The following DAG1 variants were observed in gnomAD, a reference collection of about 807,000 sequenced individuals.
DAG1 encodes the protein dystroglycan 1.
A neutral mutation model predicts 46.1 loss-of-function variants in DAG1; 8 were observed. That is an observed-to-expected ratio of 0.17 (90% confidence interval 0.10 to 0.31). The LOEUF is 0.31. Ranked by LOEUF, DAG1 falls within the 10% of genes least tolerant of loss-of-function variation. The pLI is 1.00. For missense variants in DAG1, 1,003 were observed against 1,189.9 expected (o/e 0.84, Z 2.31); for synonymous variants, 495 against 481.8 (o/e 1.03, Z -0.36).
intron 1 of DAG1, among the ~76,000 whole-genome samples, chr3:49,495,094 C>G (rs1175783114): frequency 6.6e-6 from 1 of 152,136 alleles, no homozygotes; most frequent in Non-Finnish European, 1.5e-5. Flanking sequence ...CCTTTTCTCT[C>G]AAGGGAACCA....
In DAG1 at chr3:49,531,183, C is replaced by T. The variant is rs754413131; in HGVS notation, c.672C>T (p.Asn224=). ...GCTTCTCAGAAGTAGAGCTTCACAACATGAAATTAGTGCCGGTGGTGAATA... is the reference window on the plus strand; with the variant it reads ...GCTTCTCAGAAGTAGAGCTTCACAATATGAAATTAGTGCCGGTGGTGAATA... The part of the protein sequence containing the change: ...MRSFSEVELH[N]MKLVPVVNNR... Residue 224 remains asparagine, a synonymous_variant, in exon 3 of 3, where the codon AAC becomes AAT. Coordinates refer to ENST00000308775, the MANE Select transcript of DAG1 (RefSeq NM_004393.6). This position sits in a 1 kb window ranked among gnomAD's most constrained non-coding sequence, Gnocchi z 7.0. 2 of 1,614,202 alleles carry T rather than the reference C, an allele frequency of 1.2e-6. No individual in the cohort carries two copies. Among genetic ancestry groups the T allele is most frequent in the Non-Finnish European group, 1.7e-6 (2 of 1,180,034 alleles).
At position 49,535,170 on chromosome 3, in the gene DAG1, G is replaced by T. The variant is rs1213205740; in HGVS notation, c.*1971G>T. On this transcript the variant is annotated 3_prime_UTR_variant, in exon 3 of 3. Coordinates refer to ENST00000308775, the MANE Select transcript of DAG1 (RefSeq NM_004393.6). ...ATGCCTCCAAGTCAGAGTTTCCCTG[G>T]TGCCCCAGAGACAGGAGCACAAGTG... is the stretch of plus-strand genomic sequence containing the variant. 2 of 152,244 alleles carry T rather than the reference G, an allele frequency of 1.3e-5. No individual in the cohort carries two copies. The highest frequency in any genetic ancestry group is 2.9e-5 in the Non-Finnish European group (2 of 68,044). 9.4% of individuals were successfully genotyped at this position (152,244 alleles called of 1,614,324 possible). A position where few individuals can be genotyped will look rare whatever the true frequency, so the allele number is the denominator to read the frequency against.
At chr3:49,484,485 T>TA (rs1228430151) in intron 1 of DAG1, among the ~76,000 whole-genome samples, 3 of 152,146 alleles carry the variant, frequency 2.0e-5, no homozygotes, top group Non-Finnish European at 4.4e-5. Flanking sequence ...GTACCTCTGT[T>TA]ATTTTGGAGA....
At position 49,519,852 on chromosome 3, in the gene DAG1, AGCT is replaced by A. The variant is rs2050984002; in HGVS notation, c.285+9036_285+9038del. Among the ~76,000 whole-genome samples, 4 of 152,228 alleles carry A rather than the reference AGCT, an allele frequency of 2.6e-5. No homozygotes were observed. In the South Asian group the frequency reaches 8.3e-4, roughly 32 times the overall value. ...TTTATTAGTGGCTCTAACTATGTTAAGCTGCCCTTTACTTTTTTGGGGAAAAAG... is the reference window on the plus strand; with the variant it reads ...TTTATTAGTGGCTCTAACTATGTTAAGCCCTTTACTTTTTTGGGGAAAAAG... On this transcript the variant is annotated intron_variant, in intron 2 of 2. Coordinates refer to ENST00000308775, the MANE Select transcript of DAG1 (RefSeq NM_004393.6).
At chr3:49,481,387 ACT>A (rs1368931289) in intron 1 of DAG1, among the ~76,000 whole-genome samples, 1 of 109,790 alleles carries the variant, frequency 9.1e-6, no homozygotes, top group Admixed American at 1.1e-4. Flanking sequence ...ACAGAGTGAG[ACT>A]CTGCCTCAAA....
intron 1 of DAG1, chr3:49,492,950 ATG>A (rs2050225114): frequency 6.7e-6 from 1 of 150,038 alleles, no homozygotes; most frequent in South Asian, 2.1e-4. Context: ...TTCATTTCTC[ATG>A]TATCTTCAGT....
At chr3:49,471,360 G>A (rs748490944) in intron 1 of DAG1, among the ~76,000 whole-genome samples, 1 of 152,314 alleles carries the variant, frequency 6.6e-6, no homozygotes, top group Admixed American at 6.5e-5. Context: ...GCTTTCAGGT[G>A]TTTTGCAAAG....
rs190751043 is a variant in DAG1, at chr3:49,513,164, T to C, written c.285+2345T>C. Among the ~76,000 whole-genome samples, 287 of 152,196 alleles carry C rather than the reference T, an allele frequency of 1.9e-3. 3 individuals are homozygous for C. The highest frequency in any genetic ancestry group is 6.3e-3 in the African/African-American group (263 of 41,536). ...CTAGGTAGAGTGGCTCACCTGGGGCTGGGGAATTCACTTCTAAGTTGGCTC... is the reference window on the plus strand; with the variant it reads ...CTAGGTAGAGTGGCTCACCTGGGGCCGGGGAATTCACTTCTAAGTTGGCTC... On this transcript the variant is annotated intron_variant, in intron 2 of 2. Transcript: ENST00000308775.
At chr3:49,492,094 T>G (rs1472945366) in intron 1 of DAG1, among the ~76,000 whole-genome samples, 1 of 152,136 alleles carries the variant, frequency 6.6e-6, no homozygotes, top group Non-Finnish European at 1.5e-5. Context: ...GCCCAGCTAA[T>G]TTTTGTATTT....
intron 1 of DAG1, among the ~76,000 whole-genome samples, chr3:49,483,455 C>T (rs1189629522): frequency 1.3e-5 from 2 of 152,036 alleles, no homozygotes; most frequent in East Asian, 3.9e-4. Flanking sequence ...CTGCCTGCCT[C>T]GGCCTTCTAA....
Position 49,510,585 on chromosome 3 carries a change from C to G in DAG1, c.51C>G (p.Thr17=), listed in dbSNP as rs1173154098. The G allele has an allele frequency of 1.2e-6, 2 of 1,613,882 alleles. No individual in the cohort carries two copies. The highest frequency in any genetic ancestry group is 1.3e-5 in the African/African-American group (1 of 74,878). The part of the protein sequence containing the change: ...LSLLLPLSGR[T]FLLLLSVVMA... ...TGCTGCTGCCCCTCTCGGGGAGGAC[C>G]TTTCTCCTCCTGCTCTCTGTGGTTA... is the stretch of plus-strand genomic sequence containing the variant. Residue 17 remains threonine, a synonymous_variant, in exon 2 of 3, where the codon ACC becomes ACG. Coordinates refer to ENST00000308775, the MANE Select transcript of DAG1 (RefSeq NM_004393.6).
intron 1 of DAG1, among the ~76,000 whole-genome samples, chr3:49,472,789 A>G (rs2049561415): frequency 1.3e-5 from 2 of 151,334 alleles, no homozygotes; most frequent in Non-Finnish European, 2.9e-5. Flanking sequence ...CCTGGGCCAC[A>G]GATCGAGACT....
At position 49,491,105 on chromosome 3, in the gene DAG1, G is replaced by A. The variant is rs942725251; in HGVS notation, c.-116-19314G>A. On this transcript the variant is annotated intron_variant, in intron 1 of 2. Transcript: ENST00000308775. Reference sequence around the variant, plus strand: ...TCGCCATGTTGGCCAGGCTGGTCTCGAACTCCTGACCCAGGTGGTCCGCCT... The same window carrying A: ...TCGCCATGTTGGCCAGGCTGGTCTCAAACTCCTGACCCAGGTGGTCCGCCT... 7.9e-5 allele frequency among the ~76,000 whole-genome samples: 12 copies of A among 151,686 alleles called. No individual in the cohort carries two copies. In the East Asian group the frequency reaches 9.7e-4, roughly 12 times the overall value.
intron 1 of DAG1, among the ~76,000 whole-genome samples, chr3:49,473,041 A>C (rs2049570694): frequency 6.6e-6 from 1 of 151,372 alleles, no homozygotes; most frequent in Non-Finnish European, 1.5e-5. Context: ...GAATCGCTTG[A>C]ACCCGGGAGG....
intron 2 of DAG1, among the ~76,000 whole-genome samples, chr3:49,520,824 C>T (rs2051008351): frequency 6.6e-6 from 1 of 152,178 alleles, no homozygotes; most frequent in South Asian, 2.1e-4. Flanking sequence ...AGTGCTCGTA[C>T]ATCTGTCTAG....
chr3:49,487,887 A>G (rs952291739), intron 1 of DAG1, among the ~76,000 whole-genome samples: 1 of 151,744 alleles, frequency 6.6e-6, no homozygotes, highest in Non-Finnish European at 1.5e-5. Flanking sequence ...TGTTTTTCAT[A>G]GAGACGGGGT....
chr3:49,506,757 G>A (rs940293838), intron 1 of DAG1, among the ~76,000 whole-genome samples: 1 of 151,958 alleles, frequency 6.6e-6, no homozygotes, highest in Non-Finnish European at 1.5e-5. Flanking sequence ...ATAGATACTG[G>A]TCTATAGTTT....
At chr3:49,523,158 AG>A (rs935927561) in intron 2 of DAG1, among the ~76,000 whole-genome samples, 1 of 152,188 alleles carries the variant, frequency 6.6e-6, no homozygotes, top group African/African-American at 2.4e-5. Context: ...GCTGTGGTAT[AG>A]TAGGCAGAAA....
intron 1 of DAG1, among the ~76,000 whole-genome samples, chr3:49,502,637 T>G (rs770078476): frequency 7.8e-6 from 1 of 128,924 alleles, no homozygotes; most frequent in Non-Finnish European, 1.6e-5. Context: ...TCTTTAACTT[T>G]CTTTTTTTTT....
Sources: gnomAD v4.1 joint callset for allele counts (sites outside exome capture counted in the v4.1 genomes callset) on GRCh38, gnomAD v4.1.1 for gene constraint, Gnocchi (gnomAD v3.1) non-coding constraint, MANE v1.5 for transcripts, NCBI Gene and HGNC (gene_info 2026-07-23, HGNC 2026-07-21) for gene names.